Variants in TEX9 observed in about 807,000 individuals in gnomAD.
The protein encoded by TEX9 is testis-expressed protein 9.
A neutral mutation model predicts 59.6 loss-of-function variants in TEX9; 74 were observed. The ratio of observed to expected loss-of-function variants is 1.24; its 90% CI spans 1.03 to 1.51. The LOEUF is 1.51. Ranked by LOEUF, TEX9 falls within the 40% of genes most tolerant of loss-of-function variation. The probability of loss-of-function intolerance (pLI) is 0.00; values close to 1 mark genes in which losing one functional copy is unlikely to be tolerated. For missense variants in TEX9, 522 were observed against 447.8 expected (o/e 1.17, Z -1.49); for synonymous variants, 186 against 152.2 (o/e 1.22, Z -1.64).
At chr15:56,361,607 C>A (rs2141921568), upstream of TEX9, among the ~76,000 whole-genome samples, 1 of 152,172 alleles carries the variant, frequency 6.6e-6, no homozygotes, top group South Asian at 2.1e-4. Context: ...GCCACCTCCC[C>A]CTCCCTACCA....
At chr15:56,366,972 AG>A (rs1407863710) in intron 2 of TEX9, among the ~76,000 whole-genome samples, 2 of 152,208 alleles carry the variant, frequency 1.3e-5, no homozygotes, top group Admixed American at 1.3e-4. Context: ...GTTCTTTATC[AG>A]CTATGCCTCA....
intron 1 of TEX9, among the ~76,000 whole-genome samples, chr15:56,315,192 T>G (rs2045724380): frequency 6.9e-6 from 1 of 143,902 alleles, no homozygotes; most frequent in Non-Finnish European, 1.5e-5. Context: ...ATCCTGTCAT[T>G]ATGATGTTAG....
At chr15:56,265,553 A>C (rs1159647303) in intron 1 of TEX9, among the ~76,000 whole-genome samples, 1 of 151,944 alleles carries the variant, frequency 6.6e-6, no homozygotes, top group African/African-American at 2.4e-5. Context: ...TTTTGATATG[A>C]TGTTTTTTCA....
intron 10 of TEX9, among the ~76,000 whole-genome samples, chr15:56,419,664 G>A (rs774329191): frequency 3.3e-5 from 5 of 151,816 alleles, no homozygotes; most frequent in African/African-American, 4.9e-5. Context: ...TGGGAACATA[G>A]TGCTAGTCTG....
At chr15:56,430,013 C>CAATT (rs1345792693) in intron 12 of TEX9, 2 of 152,052 alleles carry the variant, frequency 1.3e-5, no homozygotes, top group East Asian at 3.9e-4. Context: ...CCTTTCTAAC[C>CAATT]AATTAGACTA....
At chr15:56,430,691 T>C (rs1466039675) in intron 12 of TEX9, among the ~76,000 whole-genome samples, 2 of 152,232 alleles carry the variant, frequency 1.3e-5, no homozygotes, top group Non-Finnish European at 2.9e-5. Context: ...ATACACATTC[T>C]CATCTTTGGC....
At chr15:56,274,980 A>G (rs1387845319) in intron 1 of TEX9, among the ~76,000 whole-genome samples, 11 of 152,108 alleles carry the variant, frequency 7.2e-5, no homozygotes, top group African/African-American at 1.9e-4. Context: ...TCTCCAAGGT[A>G]TCTTACTTGC....
intron 12 of TEX9, chr15:56,429,401 T>G (rs2050494006): frequency 2.3e-6 from 1 of 429,136 alleles, no homozygotes; most frequent in African/African-American, 2.1e-5. Flanking sequence ...CCCAATTTTC[T>G]GATTTATCAG....
At chr15:56,317,503 ATTG>A (rs1346210802) in intron 1 of TEX9, among the ~76,000 whole-genome samples, 1 of 151,866 alleles carries the variant, frequency 6.6e-6, no homozygotes, top group African/African-American at 2.4e-5. Flanking sequence ...GATTTTCTCT[ATTG>A]TTTTTCTATT....
intron 1 of TEX9, among the ~76,000 whole-genome samples, chr15:56,281,704 TA>T (rs1185615775): frequency 6.6e-6 from 1 of 152,200 alleles, no homozygotes; most frequent in Non-Finnish European, 1.5e-5. Context: ...AGTAATTTTG[TA>T]ATATTTTTGC....
chr15:56,301,827 G>C (rs1466884122), intron 1 of TEX9, among the ~76,000 whole-genome samples: 2 of 152,160 alleles, frequency 1.3e-5, no homozygotes, highest in Non-Finnish European at 2.9e-5. Context: ...AAGGACATTA[G>C]TGAGCAATAA....
intron 2 of TEX9, among the ~76,000 whole-genome samples, chr15:56,367,275 A>C (rs1199500696): frequency 6.6e-6 from 1 of 152,230 alleles, no homozygotes; most frequent in Non-Finnish European, 1.5e-5. Context: ...AACTCCCTAC[A>C]CTACCTGAAT....
In TEX9 at chr15:56,295,002, C is replaced by CAT. The variant is rs764710184; in HGVS notation, c.-107+50735_-107+50736dup. Among the ~76,000 whole-genome samples the CAT allele has an allele frequency of 2.1e-4, 32 of 151,708 alleles. 1 individual carries two copies. The highest frequency in any genetic ancestry group is 3.9e-4 in the East Asian group (2 of 5,178). Reference sequence around the variant, plus strand: ...CAGTAGTGAAGGCTGTATGTTTTTTCATATATATATATGTTAAAGTAAGCC... The same window carrying CAT: ...CAGTAGTGAAGGCTGTATGTTTTTTCATATATATATATATGTTAAAGTAAGCC... On this transcript the variant is annotated intron_variant, in intron 1 of 5. Coordinates refer to the TEX9 transcript ENST00000560827.
intron 9 of TEX9, among the ~76,000 whole-genome samples, chr15:56,401,864 C>A (rs1216745064): frequency 2.6e-5 from 4 of 152,156 alleles, no homozygotes; most frequent in Non-Finnish European, 5.9e-5. Context: ...AACAGAACAA[C>A]CTGCTCCTGA....
chr15:56,281,409 A>C (rs867812255), intron 1 of TEX9, among the ~76,000 whole-genome samples: 20 of 152,216 alleles, frequency 1.3e-4, no homozygotes, highest in Admixed American at 5.2e-4. Flanking sequence ...CTGTCTGATC[A>C]GCCATGATAT....
intron 4 of TEX9, among the ~76,000 whole-genome samples, chr15:56,384,503 C>T (rs753211087): frequency 4.6e-5 from 7 of 152,070 alleles, no homozygotes; most frequent in East Asian, 3.9e-4. Flanking sequence ...TCTGGGTGAC[C>T]GTGTGTGGAC....
intron 1 of TEX9, among the ~76,000 whole-genome samples, chr15:56,265,036 C>T (rs1437732630): frequency 6.6e-6 from 1 of 152,078 alleles, no homozygotes; most frequent in African/African-American, 2.4e-5. Flanking sequence ...GTAGTAAGTC[C>T]TCCAATTTTG....
At chr15:56,308,423 GT>G (rs2045531398) in intron 1 of TEX9, among the ~76,000 whole-genome samples, 1 of 152,042 alleles carries the variant, frequency 6.6e-6, no homozygotes, top group Non-Finnish European at 1.5e-5. Context: ...TTGGTGTTTT[GT>G]TGAGTTGTAA....
rs576538398 is a variant in TEX9 at position 56,444,360 on chromosome 15, C to T, written c.*30-1311C>T. On this transcript the variant is annotated intron_variant, in intron 12 of 12. Coordinates refer to ENST00000352903, the Ensembl canonical transcript of TEX9. ...CACTTACTATGTATTAGGCACTGTT[C>T]TAGGTGCTTCAGTTCCTCACAACAA... The T allele has an allele frequency of 2.1e-5, 25 of 1,166,278 alleles. No homozygotes were observed. The East Asian group carries it at 4.2e-4, about 20-fold the overall frequency. 72.2% of individuals were successfully genotyped at this position (1,166,278 alleles called of 1,614,324 possible). A position where few individuals can be genotyped will look rare whatever the true frequency, so the allele number is the denominator to read the frequency against.
Sources: gnomAD v4.1 joint callset for allele counts (sites outside exome capture counted in the v4.1 genomes callset) on GRCh38, gnomAD v4.1.1 for gene constraint, MANE v1.5 for transcripts, NCBI Gene and HGNC (gene_info 2026-07-23, HGNC 2026-07-21) for gene names.